Variants in AFF2 observed in about 807,000 individuals in gnomAD.
The protein encoded by AFF2 is ALF transcription elongation factor 2, also known as AF4/FMR2 family member 2.
In AFF2, 14 loss-of-function variants were observed where a neutral mutation model predicts 76.9. The ratio of observed to expected loss-of-function variants is 0.18; its 90% CI spans 0.12 to 0.28. AFF2 has a LOEUF of 0.28. Among genes scored for constraint, AFF2 ranks in the 10% least tolerant of loss-of-function variants. AFF2 has a pLI of 1.00. For missense variants in AFF2, 868 were observed against 1,001.1 expected, an observed-to-expected ratio of 0.87 and a Z score of 1.79; for synonymous variants, 398 against 366.7, an observed-to-expected ratio of 1.09 and a Z score of -0.98.
At chrX:148,646,731 G>A (rs2054147698) in intron 1 of AFF2, among the ~76,000 whole-genome samples, 1 of 111,846 alleles carries the variant, frequency 8.9e-6, no homozygotes, top group Non-Finnish European at 1.9e-5. Context: ...GCTGAAGAGA[G>A]TGGTGGTATG....
chrX:148,592,091 G>A (rs782607790), intron 1 of AFF2, among the ~76,000 whole-genome samples: 2 of 111,821 alleles, frequency 1.8e-5, no homozygotes, highest in Non-Finnish European at 3.8e-5. Context: ...TTTATTCCCT[G>A]TCTAACACCA....
At chrX:148,665,577 C>A (rs781956450) in intron 3 of AFF2, among the ~76,000 whole-genome samples, 1 of 111,682 alleles carries the variant, frequency 9.0e-6, no homozygotes, top group Admixed American at 9.5e-5. Context: ...AGAGAGGTTA[C>A]ACGGCCCAAC....
chrX:148,996,299 G>A lies in AFF2; in HGVS notation c.*4967G>A, dbSNP rs2072598347. On this transcript the variant is annotated 3_prime_UTR_variant, in exon 21 of 21. Coordinates refer to ENST00000370460, the MANE Select transcript of AFF2 (RefSeq NM_002025.4). ...TTGGTCAGCCTAGCATGCAACCAGT[G>A]GTGTGCTGGTAAAATGTTTAACAAC... 8.9e-6 allele frequency: 1 copy of A among 112,838 alleles called. No homozygotes were observed. The highest frequency in any genetic ancestry group is 1.9e-5 in the Non-Finnish European group (1 of 53,378). 9.3% of individuals were successfully genotyped at this position (112,838 alleles called of 1,213,427 possible).
rs1569552609 is a variant in AFF2 at position 148,652,110 on chromosome X, G to A, written c.159G>A (p.Glu53=). ...CTTCAGGCTTTGATCTTTTTGGGGAGCCATACAAGGTAGCTGAATATGTAT... is the reference window on the plus strand; with the variant it reads ...CTTCAGGCTTTGATCTTTTTGGGGAACCATACAAGGTAGCTGAATATGTAT... ...LFSSGFDLFG[E]PYKVAEYTNK... The change falls in exon 2 of 21, where the codon GAG becomes GAA. Residue 53 remains glutamate (E), a synonymous_variant. Coordinates refer to ENST00000370460, the MANE Select transcript of AFF2 (RefSeq NM_002025.4). The A allele has an allele frequency of 8.3e-7, 1 of 1,201,481 alleles. No homozygotes were observed. The highest frequency in any genetic ancestry group is 3.0e-5 in the East Asian group (1 of 33,748).
intron 3 of AFF2, among the ~76,000 whole-genome samples, chrX:148,751,880 A>G (rs2055504741): frequency 8.9e-6 from 1 of 112,147 alleles, no homozygotes; most frequent in South Asian, 3.7e-4. Context: ...GCTTATAAAC[A>G]TTAGGAATTT....
At chrX:148,862,390 AC>A (rs2070858343) in intron 7 of AFF2, among the ~76,000 whole-genome samples, 1 of 111,068 alleles carries the variant, frequency 9.0e-6, no homozygotes, top group Non-Finnish European at 1.9e-5. Context: ...GAATGCAAAC[AC>A]GCATAACATT....
At chrX:148,539,567 A>G (rs781841410) in intron 1 of AFF2, among the ~76,000 whole-genome samples, 1 of 110,235 alleles carries the variant, frequency 9.1e-6, no homozygotes, top group African/African-American at 3.3e-5. Context: ...AACATTGTAC[A>G]CCCTCATTTC....
chrX:148,711,366 A>G (rs2054965706), intron 3 of AFF2, among the ~76,000 whole-genome samples: 1 of 112,080 alleles, frequency 8.9e-6, no homozygotes, highest in Admixed American at 9.5e-5. Flanking sequence ...TATGTATGAC[A>G]GACCATGTCA....
chrX:148,544,441 A>AT (rs2052897620), intron 1 of AFF2, among the ~76,000 whole-genome samples: 1 of 110,284 alleles, frequency 9.1e-6, no homozygotes, highest in South Asian at 3.9e-4. Flanking sequence ...TCTGTCTCTG[A>AT]TTTCTTCAAC....
intron 3 of AFF2, among the ~76,000 whole-genome samples, chrX:148,712,462 CA>C (rs1418893146): frequency 8.9e-6 from 1 of 111,864 alleles, no homozygotes; most frequent in East Asian, 2.8e-4. Context: ...AAGAACAACA[CA>C]AATTTTAAAA....
At chrX:148,616,568 T>A (rs2053803730) in intron 1 of AFF2, among the ~76,000 whole-genome samples, 1 of 111,518 alleles carries the variant, frequency 9.0e-6, no homozygotes, top group Non-Finnish European at 1.9e-5. Context: ...ATTTTCTTTT[T>A]TTTTTAAATT....
At chrX:148,731,179 C>G (rs1189628065) in intron 3 of AFF2, among the ~76,000 whole-genome samples, 1 of 112,044 alleles carries the variant, frequency 8.9e-6, no homozygotes, top group Non-Finnish European at 1.9e-5. Flanking sequence ...CTGCACGTGT[C>G]CACACCTCAG....
At chrX:148,557,626 G>C (rs140639900) in intron 1 of AFF2, among the ~76,000 whole-genome samples, 4 of 112,279 alleles carry the variant, frequency 3.6e-5, no homozygotes, top group African/African-American at 1.3e-4. Context: ...AACTCTTGAA[G>C]ATATCACCTC....
intron 1 of AFF2, chrX:148,547,107 C>T (rs781992840): frequency 8.1e-5 from 9 of 111,524 alleles, no homozygotes; most frequent in East Asian, 2.8e-4. Flanking sequence ...GAGAACATGA[C>T]GGGAATTCAA....
intron 7 of AFF2, among the ~76,000 whole-genome samples, chrX:148,853,678 C>T (rs782202140): frequency 1.8e-5 from 2 of 111,592 alleles, no homozygotes; most frequent in Admixed American, 9.5e-5. Flanking sequence ...GCTATTTTTG[C>T]TAATCTTGGC....
intron 7 of AFF2, among the ~76,000 whole-genome samples, chrX:148,876,990 T>A (rs968944686): frequency 8.9e-6 from 1 of 111,946 alleles, no homozygotes; most frequent in African/African-American, 3.2e-5. Context: ...AATAGAACTC[T>A]AGCCTATACA....
intron 3 of AFF2, among the ~76,000 whole-genome samples, chrX:148,785,713 T>C (rs911315183): frequency 8.9e-6 from 1 of 112,166 alleles, no homozygotes; most frequent in Non-Finnish European, 1.9e-5. Context: ...CTCATAAGAA[T>C]ACCCTCCCTG....
At chrX:148,982,393 C>T (rs1480745266) in intron 19 of AFF2, among the ~76,000 whole-genome samples, 2 of 111,971 alleles carry the variant, frequency 1.8e-5, no homozygotes, top group Admixed American at 9.4e-5. Context: ...ATGGTCCCTG[C>T]ACTCCAGAAG....
At chrX:148,649,404 A>G (rs1237626230) in intron 1 of AFF2, among the ~76,000 whole-genome samples, 1 of 112,204 alleles carries the variant, frequency 8.9e-6, no homozygotes, top group African/African-American at 3.2e-5. Context: ...CTTCAATACA[A>G]CGCCATGCTG....
Sources: gnomAD v4.1 joint callset for allele counts (sites outside exome capture counted in the v4.1 genomes callset) on GRCh38, gnomAD v4.1.1 for gene constraint, MANE v1.5 for transcripts, NCBI Gene and HGNC (gene_info 2026-07-23, HGNC 2026-07-21) for gene names.